CADPS2: variants seen among roughly 807,000 people sequenced by gnomAD.
CADPS2 encodes the protein calcium dependent secretion activator 2, also known as calcium-dependent secretion activator 2.
In CADPS2, 93 loss-of-function variants were observed where a neutral mutation model predicts 172.5. That is an observed-to-expected ratio of 0.54 (90% confidence interval 0.46 to 0.64). The LOEUF (loss-of-function observed/expected upper bound fraction) is 0.64, where lower values mean the gene tolerates loss of function less well. CADPS2 is among the 30% of genes least tolerant of loss of function. The pLI, the probability that CADPS2 is intolerant of heterozygous loss-of-function variation, is 0.00. For missense variants in CADPS2, 1,420 were observed against 1,565.9 expected, an observed-to-expected ratio of 0.91 and a Z score of 1.57; for synonymous variants, 546 against 555.2, an observed-to-expected ratio of 0.98 and a Z score of 0.23.
intron 2 of CADPS2, among the ~76,000 whole-genome samples, chr7:122,667,134 T>C (rs1448482712): frequency 2.0e-5 from 3 of 152,224 alleles, no homozygotes; most frequent in Non-Finnish European, 2.9e-5. Flanking sequence ...GCACTCTAAC[T>C]GATACAAAAA....
At chr7:122,422,929 A>G (rs2048705366) in intron 17 of CADPS2, among the ~76,000 whole-genome samples, 1 of 152,194 alleles carries the variant, frequency 6.6e-6, no homozygotes, top group Middle Eastern at 3.2e-3. Flanking sequence ...ACTGCACCCC[A>G]GTCTGGGTGA....
intron 2 of CADPS2, among the ~76,000 whole-genome samples, chr7:122,721,993 C>A (rs13224171): frequency 6.6e-6 from 1 of 152,060 alleles, no homozygotes; most frequent in African/African-American, 2.4e-5. Flanking sequence ...ATTCAACAAC[C>A]CTTCATGCTA....
At chr7:122,746,542 C>A (rs2092722315) in intron 1 of CADPS2, among the ~76,000 whole-genome samples, 1 of 152,020 alleles carries the variant, frequency 6.6e-6, no homozygotes, top group African/African-American at 2.4e-5. Flanking sequence ...TTTGGCTTCC[C>A]TGGGCCATAT....
intron 1 of CADPS2, among the ~76,000 whole-genome samples, chr7:122,759,393 A>C (rs1207251583): frequency 6.6e-6 from 1 of 152,218 alleles, no homozygotes; most frequent in African/African-American, 2.4e-5. Context: ...AAGGTTAGGA[A>C]AGAAATCAAA....
At chr7:122,410,385 G>T (rs768481150) in intron 19 of CADPS2, among the ~76,000 whole-genome samples, 14 of 149,692 alleles carry the variant, frequency 9.4e-5, no homozygotes, top group African/African-American at 3.4e-4. Context: ...ACTTATACAG[G>T]ATTAATAATA....
chr7:122,440,072 G>A (rs572586582), intron 16 of CADPS2: 6 of 152,184 alleles, frequency 3.9e-5, no homozygotes, highest in South Asian at 2.1e-4. Flanking sequence ...GAATTCACAT[G>A]CATATTTTTG....
At chr7:122,522,905 C>T (rs1319908977) in intron 8 of CADPS2, among the ~76,000 whole-genome samples, 2 of 152,124 alleles carry the variant, frequency 1.3e-5, no homozygotes, top group African/African-American at 4.8e-5. Context: ...GACAGGATTT[C>T]ATTCTTTTTT....
At chr7:122,352,474 A>T (rs1231193376) in intron 27 of CADPS2, among the ~76,000 whole-genome samples, 7 of 152,248 alleles carry the variant, frequency 4.6e-5, no homozygotes. Context: ...GAGGCAGCTC[A>T]TGGATTTATC....
intron 3 of CADPS2, among the ~76,000 whole-genome samples, chr7:122,645,651 T>C (rs1209710857): frequency 1.7e-5 from 1 of 59,030 alleles, no homozygotes; most frequent in Non-Finnish European, 3.2e-5. Context: ...GATACATATA[T>C]CTCTAAGATA....
intron 29 of CADPS2, among the ~76,000 whole-genome samples, chr7:122,324,883 A>G (rs11773702): frequency 0.36 from 54,900 of 151,910 alleles, 10,129 homozygotes; most frequent in East Asian, 0.47. Flanking sequence ...ATGACATGTA[A>G]TTTATTAGCT....
At chr7:122,585,673 C>T (rs2133029811) in intron 6 of CADPS2, 1 of 152,024 alleles carries the variant, frequency 6.6e-6, no homozygotes, top group East Asian at 1.9e-4. Context: ...AACGTATTGC[C>T]TTTCTCCACT....
chr7:122,831,162 A>C (rs1806422033), intron 1 of CADPS2, among the ~76,000 whole-genome samples: 1 of 152,196 alleles, frequency 6.6e-6, no homozygotes, highest in Non-Finnish European at 1.5e-5. Context: ...TCTCTTGAAC[A>C]TAATCAACTG....
intron 1 of CADPS2, among the ~76,000 whole-genome samples, chr7:122,754,512 C>T (rs1443503459): frequency 1.3e-5 from 2 of 152,116 alleles, no homozygotes; most frequent in East Asian, 3.9e-4. Flanking sequence ...GAGTTTTGCT[C>T]ATCACCCAGA....
At chr7:122,582,755 GA>G (rs1488588868) in intron 6 of CADPS2, among the ~76,000 whole-genome samples, 1 of 151,974 alleles carries the variant, frequency 6.6e-6, no homozygotes, top group Admixed American at 6.6e-5. Flanking sequence ...GTTAAATTTA[GA>G]AGACTAATAA....
chr7:122,831,664 C>T (rs1393337473), intron 1 of CADPS2, among the ~76,000 whole-genome samples: 2 of 152,162 alleles, frequency 1.3e-5, no homozygotes, highest in Non-Finnish European at 2.9e-5. Flanking sequence ...AAAGCCTGTA[C>T]TTGTGAAAAA....
At chr7:122,677,929 C>T (rs2082558574) in intron 2 of CADPS2, among the ~76,000 whole-genome samples, 1 of 152,192 alleles carries the variant, frequency 6.6e-6, no homozygotes, top group African/African-American at 2.4e-5. Context: ...TTTCTCTATT[C>T]TAAGCCATCT....
intron 9 of CADPS2, among the ~76,000 whole-genome samples, chr7:122,510,181 T>C (rs147660521): frequency 6.6e-6 from 1 of 152,086 alleles, no homozygotes; most frequent in Non-Finnish European, 1.5e-5. Context: ...AACAAACATA[T>C]ACAAGTTTAA....
intron 1 of CADPS2, among the ~76,000 whole-genome samples, chr7:122,770,402 T>C (rs2093674167): frequency 3.9e-5 from 6 of 152,108 alleles, no homozygotes; most frequent in Admixed American, 3.3e-4. Context: ...AAAACCTCAC[T>C]TTAAAGAATA....
rs1235361899 is a variant in CADPS2, at chr7:122,705,714, TATATA to T, written c.453+31236_453+31240del. Among the ~76,000 whole-genome samples the T allele has an allele frequency of 3.6e-3, 75 of 20,720 alleles. 11 individuals carry two copies. Among genetic ancestry groups the T allele is most frequent in the East Asian group, 0.014 (6 of 426 alleles). The allele number at this position is 20,720 out of a possible 152,430, so 13.6% of individuals were successfully genotyped here. On this transcript the variant is annotated intron_variant, in intron 2 of 29. Coordinates refer to ENST00000449022, the MANE Select transcript of CADPS2 (RefSeq NM_017954.11). ...ATATTATATATAATATATCATATAT[TATATA>T]ATATATCATATATTATATAATATAT...
Sources: allele counts gnomAD v4.1 joint callset (sites outside exome capture counted in the v4.1 genomes callset), GRCh38; gene constraint gnomAD v4.1.1; transcripts MANE v1.5; gene names NCBI Gene and HGNC (gene_info 2026-07-23, HGNC 2026-07-21).